GPM6B: variants seen among roughly 807,000 people sequenced by gnomAD.
GPM6B encodes the protein neuronal membrane glycoprotein M6-b.
A neutral mutation model predicts 27.2 loss-of-function variants in GPM6B; 4 were observed. The ratio of observed to expected loss-of-function variants is 0.15; its 90% confidence interval spans 0.07 to 0.34. The LOEUF (loss-of-function observed/expected upper bound fraction) is 0.34. Ranked by LOEUF, GPM6B falls within the 10% of genes least tolerant of loss-of-function variation. The pLI is 1.00. For missense variants in GPM6B, 183 were observed against 261.9 expected, an observed-to-expected ratio of 0.70 and a Z score of 2.08; for synonymous variants, 124 against 103.1, an observed-to-expected ratio of 1.20 and a Z score of -1.23.
intron 1 of GPM6B, among the ~76,000 whole-genome samples, chrX:13,926,433 AAAAACACAC>A: frequency 5.2e-5 from 1 of 19,338 alleles, no homozygotes. Context: ...AACAAAAAAA[AAAAACACAC>A]AAAAAAAGCA....
chrX:13,842,419 G>A (rs1326091903), intron 1 of GPM6B, among the ~76,000 whole-genome samples: 1 of 111,582 alleles, frequency 9.0e-6, no homozygotes, highest in Non-Finnish European at 1.9e-5. Flanking sequence ...AACACATTAC[G>A]TCGGTAGGAG....
At chrX:13,874,404 G>A (rs1235363576) in intron 1 of GPM6B, among the ~76,000 whole-genome samples, 1 of 111,091 alleles carries the variant, frequency 9.0e-6, no homozygotes, top group Non-Finnish European at 1.9e-5. Context: ...AACTTTTAAA[G>A]TGGGAGGCCC....
intron 1 of GPM6B, among the ~76,000 whole-genome samples, chrX:13,937,634 G>A (rs761832623): frequency 8.9e-6 from 1 of 111,743 alleles, no homozygotes; most frequent in Admixed American, 9.5e-5. Flanking sequence ...GCTGCGGAAT[G>A]AGGCTGATTT....
At chrX:13,847,486 C>T (rs2049663788) in intron 1 of GPM6B, among the ~76,000 whole-genome samples, 1 of 111,663 alleles carries the variant, frequency 9.0e-6, no homozygotes, top group Non-Finnish European at 1.9e-5. Context: ...AAATATGATC[C>T]TATTGAGCCT....
At chrX:13,836,883 A>G (rs7056596) in intron 1 of GPM6B, among the ~76,000 whole-genome samples, 39,710 of 111,369 alleles carry the variant, frequency 0.36, 6,453 homozygotes, top group Non-Finnish European at 0.51. Context: ...CATTTAAAAA[A>G]CTGAGCTAAG....
rs774732724 is a variant in GPM6B, at chrX:13,851,623, C to T, written c.-197-65815G>A. On this transcript the variant is annotated intron_variant, in intron 1 of 6. Transcript: ENST00000398361. ...GTTCTGGAAGGATGGGTAAAGTCAC[C>T]TCAGGCATGCAATGAAAAAAAAAAA... is the stretch of plus-strand genomic sequence containing the variant. Among the ~76,000 whole-genome samples the T allele has an allele frequency of 1.3e-4, 12 of 91,097 alleles. No individual in the cohort carries two copies. In the Admixed American group the frequency reaches 1.4e-3, roughly 10 times the overall value. The allele number at this position is 91,097 out of a possible 115,157, so 79.1% of individuals were successfully genotyped here. A position where few individuals can be genotyped will look rare whatever the true frequency, so the allele number is the denominator to read the frequency against.
At chrX:13,800,277 G>A (rs2048897414) in intron 2 of GPM6B, among the ~76,000 whole-genome samples, 1 of 112,133 alleles carries the variant, frequency 8.9e-6, no homozygotes, top group Non-Finnish European at 1.9e-5. Flanking sequence ...CCACATGAAT[G>A]AGCTTGGAAG....
intron 1 of GPM6B, among the ~76,000 whole-genome samples, chrX:13,928,969 A>C (rs1033933647): frequency 8.9e-6 from 1 of 111,966 alleles, no homozygotes; most frequent in African/African-American, 3.2e-5. Flanking sequence ...TCTCTAAACA[A>C]GGGGGAAATC....
chrX:13,934,763 A>G (rs1210633368), intron 1 of GPM6B, among the ~76,000 whole-genome samples: 1 of 112,454 alleles, frequency 8.9e-6, no homozygotes, highest in Non-Finnish European at 1.9e-5. Context: ...AAAGACCCAA[A>G]GAAATAATTT....
chrX:13,789,237 C>T (rs2048666848), intron 2 of GPM6B, among the ~76,000 whole-genome samples: 2 of 111,915 alleles, frequency 1.8e-5, no homozygotes, highest in Non-Finnish European at 3.8e-5. Flanking sequence ...GATCACTCTC[C>T]ACTGTATCTT....
At chrX:13,907,137 A>G (rs2147052396) in intron 1 of GPM6B, among the ~76,000 whole-genome samples, 1 of 112,494 alleles carries the variant, frequency 8.9e-6, no homozygotes, top group African/African-American at 3.2e-5. Flanking sequence ...CTCTTAAGCG[A>G]CCACAAAAGC....
At chrX:13,780,666 G>C in intron 4 of GPM6B, among the ~76,000 whole-genome samples, 1 of 112,252 alleles carries the variant, frequency 8.9e-6, no homozygotes, top group Non-Finnish European at 1.9e-5. Flanking sequence ...ACGGCTTAGG[G>C]AAAAAGCTTC....
chrX:13,772,024 A>ATT lies in GPM6B; in HGVS notation c.*855_*856dup, dbSNP rs1234694283. 3 of 112,554 alleles carry ATT rather than the reference A, an allele frequency of 2.7e-5. No individual in the cohort carries two copies. Among genetic ancestry groups the ATT allele is most frequent in the Non-Finnish European group, 5.6e-5 (3 of 53,245 alleles). 9.3% of individuals were successfully genotyped at this position (112,554 alleles called of 1,213,427 possible). On this transcript the variant is annotated 3_prime_UTR_variant, in exon 8 of 8. Coordinates refer to ENST00000316715, the MANE Select transcript of GPM6B (RefSeq NM_001001995.3). Reference sequence around the variant, plus strand: ...TTTAATAAGGTAACACTTCTTAATAATTAAGAAAAACATTTATGGAACAAA... The same window carrying ATT: ...TTTAATAAGGTAACACTTCTTAATAATTTTAAGAAAAACATTTATGGAACAAA...
rs754078671 is a variant in GPM6B at position 13,777,355 on chromosome X, G to A, written c.768C>T (p.Asn256=). Residue 256 remains asparagine (N), a synonymous_variant, in exon 6 of 8, where the codon AAC becomes AAT. Transcript: ENST00000316715. ...TTCTGAACTGTGATGAGTTTACCTCGTTTGTGTTGCAGATGTTCTCCAGGG... is the reference window on the plus strand; with the variant it reads ...TTCTGAACTGTGATGAGTTTACCTCATTTGTGTTGCAGATGTTCTCCAGGG... ...GSALENICNT[N]EFYMSYHLFI... is the part of the protein sequence containing the mutation. 4.2e-6 allele frequency: 5 copies of A among 1,193,378 alleles called. No homozygotes were observed. Among genetic ancestry groups the A allele is most frequent in the East Asian group, 3.0e-5 (1 of 33,781 alleles).
At chrX:13,824,702 G>T (rs1268852954) in intron 1 of GPM6B, among the ~76,000 whole-genome samples, 2 of 111,892 alleles carry the variant, frequency 1.8e-5, no homozygotes, top group Non-Finnish European at 3.8e-5. Context: ...AAGAGGGAGA[G>T]ATTCAGGGTT....
chrX:13,785,520 T>C, intron 3 of GPM6B, 102 bp downstream of exon 3: 1 of 784,281 alleles, frequency 1.3e-6, no homozygotes, highest in African/African-American at 2.0e-5. Context: ...ACTCCTGACT[T>C]CAGGTGATCT....
At position 13,817,024 on chromosome X, in the gene GPM6B, C is replaced by T; in HGVS notation, c.-120G>A. The T allele has an allele frequency of 8.9e-7, 1 of 1,117,570 alleles. No individual in the cohort carries two copies. The highest frequency in any genetic ancestry group is 1.9e-5 in the African/African-American group (1 of 53,937). The allele number at this position is 1,117,570 out of a possible 1,213,427, so 92.1% of individuals were successfully genotyped here. A position where few individuals can be genotyped will look rare whatever the true frequency, so the allele number is the denominator to read the frequency against. ...TTTACACCCGTCTGATTGAGAGGCT[C>T]TGTTCTTCACTACAGTAGATTACAG... On this transcript the variant is annotated 5_prime_UTR_variant, in exon 1 of 8. Transcript: ENST00000316715.
At chrX:13,936,512 C>T (rs778914223) in intron 1 of GPM6B, among the ~76,000 whole-genome samples, 3 of 111,925 alleles carry the variant, frequency 2.7e-5, no homozygotes, top group African/African-American at 6.5e-5. Context: ...AGAGGATGCA[C>T]GGTAATTAAA....
At chrX:13,821,657 C>G (rs1244321148), upstream of GPM6B, among the ~76,000 whole-genome samples, 2 of 111,689 alleles carry the variant, frequency 1.8e-5, no homozygotes, top group African/African-American at 3.3e-5. Flanking sequence ...AGTGCAATGG[C>G]GTGATCTCGG....
Sources: allele counts gnomAD v4.1 joint callset (sites outside exome capture counted in the v4.1 genomes callset), GRCh38; gene constraint gnomAD v4.1.1; transcripts MANE v1.5; gene names NCBI Gene and HGNC (gene_info 2026-07-23, HGNC 2026-07-21).